Variants in SLAMF7 observed in about 807,000 individuals in gnomAD.
The protein encoded by SLAMF7 is SLAM family member 7, also known as 19A24 protein.
In SLAMF7, 26 loss-of-function variants were observed where a neutral mutation model predicts 34.1. That is an observed-to-expected ratio of 0.76 (90% CI 0.56 to 1.06). The LOEUF is 1.06. Ranked by LOEUF, SLAMF7 falls within the 50% of genes least tolerant of loss-of-function variation. SLAMF7 has a pLI of 0.00. For synonymous variants in SLAMF7, 171 were observed against 156.4 expected, an observed-to-expected ratio of 1.09 and a Z score of -0.70; for missense variants, 399 against 402.5, an observed-to-expected ratio of 0.99 and a Z score of 0.07.
intron 1 of SLAMF7, among the ~76,000 whole-genome samples, chr1:160,743,988 A>G (rs1204219342): frequency 6.6e-6 from 1 of 152,168 alleles, no homozygotes; most frequent in East Asian, 1.9e-4. Context: ...CAATTCCAGC[A>G]TCTTCCCTTT....
Position 160,753,343 on chromosome 1 carries a change from G to A in SLAMF7, c.*166G>A, listed in dbSNP as rs1471147299. 1 of 631,584 alleles carries A rather than the reference G, an allele frequency of 1.6e-6. No individual in the cohort carries two copies. The highest frequency in any genetic ancestry group is 1.8e-5 in the African/African-American group (1 of 54,350). 39.1% of individuals were successfully genotyped at this position (631,584 alleles called of 1,614,324 possible). On this transcript the variant is annotated 3_prime_UTR_variant, in exon 7 of 7. Coordinates refer to ENST00000368043, the MANE Select transcript of SLAMF7 (RefSeq NM_021181.5). ...CTCTGATGCTTCTTTAGATTTAAGA[G>A]TTCATAATTCCATCCACTGCTGAGA...
chr1:160,752,994 G>T, intron 6 of SLAMF7, 112 bp from the exon 7 acceptor site: 3 of 900,238 alleles, frequency 3.3e-6, no homozygotes, highest in Non-Finnish European at 3.6e-6. Flanking sequence ...CATGCCAGCC[G>T]ATTTGGGTTG....
chr1:160,751,219 C>G (rs1664544962), intron 4 of SLAMF7, 126 bp from the exon 5 acceptor site: 31 of 710,646 alleles, frequency 4.4e-5, no homozygotes, highest in South Asian at 4.2e-4. Flanking sequence ...TCCTGAAAAC[C>G]CTTCCATTAC....
intron 1 of SLAMF7, among the ~76,000 whole-genome samples, chr1:160,745,267 G>C (rs1052486105): frequency 2.6e-5 from 4 of 152,150 alleles, no homozygotes; most frequent in Non-Finnish European, 5.9e-5. Flanking sequence ...TTGAGGGAAG[G>C]TCACCAGAGG....
rs3856333 is a variant in SLAMF7, at chr1:160,742,002, A to G, written c.55+2646A>G. ...GGACAGAGGCACCAAGTGTTCAGAGAAGTGCTTGGGGACGGGGTTGGCAAG... is the reference window on the plus strand; with the variant it reads ...GGACAGAGGCACCAAGTGTTCAGAGGAGTGCTTGGGGACGGGGTTGGCAAG... On this transcript the variant is annotated intron_variant, in intron 1 of 6. Coordinates refer to ENST00000368043, the MANE Select transcript of SLAMF7 (RefSeq NM_021181.5). Among the ~76,000 whole-genome samples the G allele has an allele frequency of 2.4e-3, 364 of 152,150 alleles. 3 individuals are homozygous for G. Among genetic ancestry groups the G allele is most frequent in the Non-Finnish European group, 2.4e-3 (165 of 67,998 alleles).
chr1:160,739,926 A>T (rs1262062575), intron 1 of SLAMF7, among the ~76,000 whole-genome samples: 1 of 152,172 alleles, frequency 6.6e-6, no homozygotes, highest in Non-Finnish European at 1.5e-5. Flanking sequence ...AGGACAGAGG[A>T]CAGTTCTCCA....
At position 160,751,435 on chromosome 1, in the gene SLAMF7, T is replaced by A; in HGVS notation, c.860T>A (p.Ile287Asn). 1 of 1,612,996 alleles carries A rather than the reference T, an allele frequency of 6.2e-7. No homozygotes were observed. The highest frequency in any genetic ancestry group is 1.1e-5 in the South Asian group (1 of 91,058). ...HSGENTEYDT[I>N]PHTNRTILKE... ...GGAGAGAACACAGAGTACGACACAA[T>A]CCCTCACACTAATGTGAGTCCCTTC... Residue 287 changes from isoleucine to asparagine, a missense_variant, in exon 5 of 7, where the codon ATC becomes AAC. Transcript: ENST00000368043.
In SLAMF7 at chr1:160,750,106, C is replaced by T. The variant is rs370977426; in HGVS notation, c.649+13C>T. ...AAGCTCTGTGAAGGTGACTGCCTCT[C>T]CCCTCTCCACAGGAGACTCTGCCCA... On this transcript the variant is annotated intron_variant, in intron 3 of 6. Coordinates refer to ENST00000368043, the MANE Select transcript of SLAMF7 (RefSeq NM_021181.5). 1.2e-6 allele frequency: 2 copies of T among 1,611,906 alleles called. No homozygotes were observed. The highest frequency in any genetic ancestry group is 2.7e-5 in the African/African-American group (2 of 74,904).
chr1:160,743,853 T>G (rs571039918), intron 1 of SLAMF7, among the ~76,000 whole-genome samples: 2 of 152,316 alleles, frequency 1.3e-5, no homozygotes, highest in African/African-American at 2.4e-5. Flanking sequence ...CACGCCCAAC[T>G]AATTTTTTCA....
At chr1:160,745,768 T>C (rs1021420835) in intron 1 of SLAMF7, among the ~76,000 whole-genome samples, 3 of 152,236 alleles carry the variant, frequency 2.0e-5, no homozygotes, top group Non-Finnish European at 2.9e-5. Flanking sequence ...CTATGGGTTA[T>C]AGGTTGCTGA....
At chr1:160,742,031 G>A (rs570196877) in intron 1 of SLAMF7, among the ~76,000 whole-genome samples, 4 of 152,146 alleles carry the variant, frequency 2.6e-5, no homozygotes, top group African/African-American at 7.2e-5. Context: ...TGGCAAGCAG[G>A]AGGCAGGCTT....
intron 1 of SLAMF7, among the ~76,000 whole-genome samples, chr1:160,745,037 C>A (rs951821002): frequency 6.6e-6 from 1 of 152,002 alleles, no homozygotes; most frequent in African/African-American, 2.4e-5. Flanking sequence ...CTTGAGTAAT[C>A]CAAAGTATAT....
intron 1 of SLAMF7, among the ~76,000 whole-genome samples, chr1:160,745,760 A>G (rs114866600): frequency 0.011 from 1,740 of 152,300 alleles, 26 homozygotes; most frequent in African/African-American, 0.04. Context: ...GATTTAGCCT[A>G]TGGGTTATAG....
chr1:160,750,195 C>T (rs1300061082), intron 3 of SLAMF7, 102 bp downstream of exon 3: 6 of 1,575,734 alleles, frequency 3.8e-6, no homozygotes, highest in South Asian at 2.4e-5. Flanking sequence ...AACTGGAGGC[C>T]GCTGGGTGGT....
At chr1:160,743,458 G>A (rs1663896456) in intron 1 of SLAMF7, among the ~76,000 whole-genome samples, 1 of 152,162 alleles carries the variant, frequency 6.6e-6, no homozygotes, top group Non-Finnish European at 1.5e-5. Flanking sequence ...CTGGCCTTAC[G>A]CAGTCAACCC....
upstream of SLAMF7, chr1:160,739,111 A>T: frequency 1.6e-6 from 1 of 625,882 alleles, no homozygotes; most frequent in Non-Finnish European, 2.9e-6. Flanking sequence ...GGGAGCAAAT[A>T]GATCTCTCAT....
At chr1:160,744,084 C>A (rs1663953828) in intron 1 of SLAMF7, among the ~76,000 whole-genome samples, 3 of 152,294 alleles carry the variant, frequency 2.0e-5, no homozygotes, top group East Asian at 1.9e-4. Context: ...CCCAGTTATA[C>A]CCTCAGCTCC....
At chr1:160,745,198 G>A (rs1187173558) in intron 1 of SLAMF7, among the ~76,000 whole-genome samples, 1 of 152,180 alleles carries the variant, frequency 6.6e-6, no homozygotes. Flanking sequence ...AAGGGAGTGG[G>A]TCACCATTTG....
chr1:160,743,611 T>A (rs1171391201), intron 1 of SLAMF7, among the ~76,000 whole-genome samples: 1 of 152,238 alleles, frequency 6.6e-6, no homozygotes, highest in Non-Finnish European at 1.5e-5. Flanking sequence ...TTCACTGCAC[T>A]GACTCAGGTA....
Sources: allele counts gnomAD v4.1 joint callset (sites outside exome capture counted in the v4.1 genomes callset), GRCh38; gene constraint gnomAD v4.1.1; transcripts MANE v1.5; gene names NCBI Gene and HGNC (gene_info 2026-07-23, HGNC 2026-07-21).